Variants in DBN1 observed in about 807,000 individuals in gnomAD.
The protein encoded by DBN1 is drebrin 1, also known as drebrin.
In DBN1, 21 loss-of-function variants were observed where a neutral mutation model predicts 83.5. The observed-to-expected ratio is 0.25, with a 90% CI of 0.18 to 0.36. DBN1 has a LOEUF of 0.36. Among genes scored for constraint, DBN1 ranks in the 10% least tolerant of loss-of-function variants. DBN1 has a pLI of 1.00. For synonymous variants in DBN1, 381 were observed against 384.9 expected (o/e 0.99, Z 0.12); for missense variants, 874 against 935.7 (o/e 0.93, Z 0.86).
At position 177,473,513 on chromosome 5, in the gene DBN1, G is replaced by A; in HGVS notation, c.9C>T (p.Gly3=). The A allele has an allele frequency of 2.1e-6, 3 of 1,427,334 alleles. No homozygotes were observed. Among genetic ancestry groups the A allele is most frequent in the Non-Finnish European group, 2.8e-6 (3 of 1,082,416 alleles). 88.4% of individuals were successfully genotyped at this position (1,427,334 alleles called of 1,614,324 possible). The change falls in exon 1 of 15, where the codon GGC becomes GGT. Residue 3 remains glycine, a synonymous_variant. Transcript: ENST00000393565. MA[G]VSFSGHRLEL... ...CCAGGCGGTGGCCGCTGAAGCTGAC[G>A]CCGGCCATGCTTCGGGCCGGACCGG...
rs368687043 is a variant in DBN1 at position 177,467,607 on chromosome 5, G to A, written c.351C>T (p.Asn117=). 111 of 1,572,298 alleles carry A rather than the reference G, an allele frequency of 7.1e-5. No homozygotes were observed. Among genetic ancestry groups the A allele is most frequent in the East Asian group, 1.2e-4 (5 of 42,594 alleles). Residue 117 remains asparagine (N), a synonymous_variant, in exon 5 of 15, where the codon AAC becomes AAT. Transcript: ENST00000393565. This position sits in a 1 kb window ranked among gnomAD's most constrained non-coding sequence, Gnocchi z 9.1. Reference sequence around the variant, plus strand: ...CGTCTATGTCTTCCACGCTGCTGGCGTTCACGATCACGTCGACACCCTTCC... The same window carrying A: ...CGTCTATGTCTTCCACGCTGCTGGCATTCACGATCACGTCGACACCCTTCC... The part of the protein sequence containing the change: ...EFFQGVDVIV[N]ASSVEDIDAG...
intron 8 of DBN1, among the ~76,000 whole-genome samples, chr5:177,463,475 C>T (rs1286882252): frequency 6.6e-6 from 1 of 152,234 alleles, no homozygotes; most frequent in African/African-American, 2.4e-5. Flanking sequence ...TACACGGGAG[C>T]TCCCCTGCAG....
chr5:177,462,936 G>A (rs889193635), intron 8 of DBN1, among the ~76,000 whole-genome samples: 1 of 152,126 alleles, frequency 6.6e-6, no homozygotes, highest in Non-Finnish European at 1.5e-5. Flanking sequence ...ACCTTCCCAT[G>A]AGCCTGTGTC....
chr5:177,473,376 AACAAAGGCGCGGCGGCGGCGCGGGG>A, intron 1 of DBN1, 35 bp downstream of exon 1: 1 of 1,020,052 alleles, frequency 9.8e-7, no homozygotes, highest in African/African-American at 1.7e-5. Context: ...GCGGGAGAGA[AACAAAGGCGCGGCGGCGGCGCGGGG>A]ACAAAGGGGC....
In DBN1 at chr5:177,473,452, C is replaced by G. The variant is rs556544940; in HGVS notation, c.70G>C (p.Glu24Gln). 1 of 1,438,964 alleles carries G rather than the reference C, an allele frequency of 6.9e-7. No individual in the cohort carries two copies. Among genetic ancestry groups the G allele is most frequent in the East Asian group, 3.0e-5 (1 of 33,622 alleles). The allele number at this position is 1,438,964 out of a possible 1,614,324, so 89.1% of individuals were successfully genotyped here. The stretch of plus-strand genomic sequence containing the variant: ...GGGGCTCACCAGTCGGCCGCGCTCT[C>G]CTCTCGGATCACCTCCTCGTAAGCC... ...LAAYEEVIRE[E>Q]SAADWALYTY... The change falls in exon 1 of 15, where the codon GAG becomes CAG. Residue 24 changes from glutamate to glutamine, a missense_variant. This residue lies in a region of DBN1 where 82 missense variants were observed against 101.7 expected (regional missense o/e 0.81). Transcript: ENST00000393565.
At chr5:177,457,984 G>A (rs985253411) in intron 13 of DBN1, 74 bp downstream of exon 13, 3 of 1,585,604 alleles carry the variant, frequency 1.9e-6, no homozygotes, top group Non-Finnish European at 2.6e-6. Flanking sequence ...GTGCAAGCAT[G>A]AGGAATGCAG....
In DBN1 at chr5:177,460,428, C is replaced by G; in HGVS notation, c.955+4G>C. On this transcript the variant is annotated splice_donor_region_variant and intron_variant, in intron 10 of 14. Coordinates refer to ENST00000393565, the MANE Select transcript of DBN1 (RefSeq NM_001363541.2). Reference sequence around the variant, plus strand: ...GCCGGACGGGGGGTGGGGCCTAGGACTACCTGGTCGATGGTTGAAGGGCGA... The same window carrying G: ...GCCGGACGGGGGGTGGGGCCTAGGAGTACCTGGTCGATGGTTGAAGGGCGA... The G allele has an allele frequency of 6.2e-7, 1 of 1,613,520 alleles. No individual in the cohort carries two copies. Among genetic ancestry groups the G allele is most frequent in the Non-Finnish European group, 8.5e-7 (1 of 1,179,908 alleles).
chr5:177,469,804 G>A (rs752846889), intron 1 of DBN1, among the ~76,000 whole-genome samples: 1 of 152,220 alleles, frequency 6.6e-6, no homozygotes, highest in African/African-American at 2.4e-5. Flanking sequence ...AGGACCCTCT[G>A]GGAGGGAGGA....
chr5:177,457,910 C>A (rs984493059), intron 13 of DBN1, 148 bp downstream of exon 13: 1 of 1,202,974 alleles, frequency 8.3e-7, no homozygotes. Context: ...CAGAGCCGGC[C>A]CAGGGAGGGA....
Position 177,467,466 on chromosome 5 carries a change from C to A in DBN1, c.477+15G>T, listed in dbSNP as rs914156239. On this transcript the variant is annotated intron_variant, in intron 5 of 14. Coordinates refer to ENST00000393565, the MANE Select transcript of DBN1 (RefSeq NM_001363541.2). This position sits in a 1 kb window ranked among gnomAD's most constrained non-coding sequence, Gnocchi z 9.1. ...CCACGCAGGCAGAGCCCACGGGTGC[C>A]AAACACACACTAACCACGGGCTCTG... is the stretch of plus-strand genomic sequence containing the variant. 2 of 1,604,788 alleles carry A rather than the reference C, an allele frequency of 1.2e-6. No homozygotes were observed. The highest frequency in any genetic ancestry group is 1.7e-5 in the Admixed American group (1 of 58,516).
Position 177,460,677 on chromosome 5 carries a change from C to T in DBN1, c.798G>A (p.Glu266=). The T allele has an allele frequency of 6.2e-7, 1 of 1,614,194 alleles. No individual in the cohort carries two copies. The highest frequency in any genetic ancestry group is 8.5e-7 in the Non-Finnish European group (1 of 1,180,034). ...CCGACTCTGACTTCTTCATGTGGGT[C>T]TCTTCCTCCTCATCCCGATGGTCAC... is the stretch of plus-strand genomic sequence containing the variant. ...IFGDHRDEEE[E]THMKKSESEV... is the part of the protein sequence containing the mutation. Residue 266 remains glutamate, a synonymous_variant, in exon 9 of 15, where the codon GAG becomes GAA. Coordinates refer to ENST00000393565, the MANE Select transcript of DBN1 (RefSeq NM_001363541.2).
chr5:177,462,432 TTCAGG>T, intron 8 of DBN1: 1 of 984,718 alleles, frequency 1.0e-6, no homozygotes, highest in Non-Finnish European at 1.2e-6. Context: ...AAGAGGCTTG[TTCAGG>T]TCATTTCCTC....
At chr5:177,457,819 G>T in intron 13 of DBN1, 62 bp from the exon 14 acceptor site, 2 of 1,193,100 alleles carry the variant, frequency 1.7e-6, no homozygotes, top group Non-Finnish European at 2.5e-6. Flanking sequence ...GACCTATCAG[G>T]CCTGAGCCCG....
chr5:177,469,685 T>C (rs1234932393), intron 1 of DBN1, among the ~76,000 whole-genome samples: 1 of 152,182 alleles, frequency 6.6e-6, no homozygotes, highest in Admixed American at 6.5e-5. Context: ...TCCTCCTCCC[T>C]AGCTTTGTGT....
Position 177,467,127 on chromosome 5 carries a change from C to A in DBN1, c.556-65G>T, listed in dbSNP as rs538912394. The A allele has an allele frequency of 3.1e-6, 5 of 1,610,150 alleles. No individual in the cohort carries two copies. The highest frequency in any genetic ancestry group is 1.3e-5 in the African/African-American group (1 of 74,924). The stretch of plus-strand genomic sequence containing the variant: ...AGGCGCCTGGACCCTGCCCCTCCAG[C>A]CCCTCCCTAACCCAGCGCTGGGGGC... On this transcript the variant is annotated intron_variant, in intron 6 of 14. Transcript: ENST00000393565. This position sits in a 1 kb window ranked among gnomAD's most constrained non-coding sequence, Gnocchi z 9.1.
At position 177,467,622 on chromosome 5, in the gene DBN1, G is replaced by A. The variant is rs756467069; in HGVS notation, c.336C>T (p.Val112=). Residue 112 remains valine, a synonymous_variant, in exon 5 of 15, where the codon GTC becomes GTT. Transcript: ENST00000393565. The surrounding 1 kb of genome is among the most constrained non-coding windows in gnomAD (Gnocchi z 9.1). ...VAKVAEFFQG[V]DVIVNASSVE... ...CGCTGCTGGCGTTCACGATCACGTC[G>A]ACACCCTTCCGCAAGAAGACGGCAG... 21 of 1,572,450 alleles carry A rather than the reference G, an allele frequency of 1.3e-5. 1 individual carries two copies. The highest frequency in any genetic ancestry group is 1.7e-4 in the Middle Eastern group (1 of 6,036).
In DBN1 at chr5:177,457,426, G is replaced by A; in HGVS notation, c.*7C>T. The A allele has an allele frequency of 1.9e-6, 3 of 1,613,052 alleles. No homozygotes were observed. Among genetic ancestry groups the A allele is most frequent in the Non-Finnish European group, 2.5e-6 (3 of 1,179,096 alleles). ...TTGGCAAGGGTAGCCTAGGGCTGGC[G>A]CCACCGCTAATCACCACCCTCGAAG... On this transcript the variant is annotated 3_prime_UTR_variant, in exon 15 of 15. Transcript: ENST00000393565.
chr5:177,460,331 A>AG, intron 10 of DBN1, 101 bp downstream of exon 10: 2 of 1,560,504 alleles, frequency 1.3e-6, no homozygotes, highest in Non-Finnish European at 1.8e-6. Context: ...GCCTTCTCCA[A>AG]GGGTTGCTTG....
intron 8 of DBN1, among the ~76,000 whole-genome samples, chr5:177,464,946 A>T (rs981412848): frequency 1.3e-5 from 2 of 152,094 alleles, no homozygotes; most frequent in Non-Finnish European, 2.9e-5. Flanking sequence ...TGAGGTCAGG[A>T]GATCGAGACC....
Sources: gnomAD v4.1 joint callset for allele counts (sites outside exome capture counted in the v4.1 genomes callset) on GRCh38, gnomAD v4.1.1 for gene constraint, gnomAD v4.1.1 regional missense constraint, Gnocchi (gnomAD v3.1) non-coding constraint, MANE v1.5 for transcripts, NCBI Gene and HGNC (gene_info 2026-07-23, HGNC 2026-07-21) for gene names.